FAM193A: variants seen among roughly 807,000 people sequenced by gnomAD.
FAM193A encodes family with sequence similarity 193 member A, also known as protein FAM193A.
Under a neutral mutation model 126.5 loss-of-function variants are expected in FAM193A, and 22 were observed. That is an observed-to-expected ratio of 0.17 (90% CI 0.12 to 0.25). FAM193A has a LOEUF of 0.25. Ranked by LOEUF, FAM193A falls within the 10% of genes least tolerant of loss-of-function variation. The probability of loss-of-function intolerance (pLI) is 1.00; values close to 1 mark genes in which losing one functional copy is unlikely to be tolerated. For missense variants in FAM193A, 1,675 were observed against 1,672.8 expected, an observed-to-expected ratio of 1.00 and a Z score of -0.02; for synonymous variants, 761 against 646.8, an observed-to-expected ratio of 1.18 and a Z score of -2.68.
chr4:2,552,466 A>G (rs954695331), intron 1 of FAM193A, among the ~76,000 whole-genome samples: 2 of 150,012 alleles, frequency 1.3e-5, no homozygotes, highest in African/African-American at 4.9e-5. Flanking sequence ...TAATGTGAAT[A>G]TTTAATGCTA....
intron 12 of FAM193A, among the ~76,000 whole-genome samples, chr4:2,663,812 C>G (rs1036281809): frequency 6.6e-6 from 1 of 152,094 alleles, no homozygotes; most frequent in African/African-American, 2.4e-5. Context: ...ACTAAAAATA[C>G]AAAAATTAGC....
At chr4:2,702,699 C>T (rs79709021) in intron 19 of FAM193A, among the ~76,000 whole-genome samples, 410 of 152,304 alleles carry the variant, frequency 2.7e-3, no homozygotes, top group African/African-American at 7.7e-3. Flanking sequence ...CCCCATCATC[C>T]ATGGTGCCTT....
chr4:2,700,426 C>T lies in FAM193A; in HGVS notation c.4254C>T (p.Pro1418=). The T allele has an allele frequency of 6.2e-7, 1 of 1,614,172 alleles. No homozygotes were observed. Among genetic ancestry groups the T allele is most frequent in the Non-Finnish European group, 8.5e-7 (1 of 1,180,036 alleles). The part of the protein sequence containing the change: ...DEKSNPTPME[P]TSPGEHQQNS... ...AGTCAAACCCAACCCCTATGGAGCC[C>T]ACCTCTCCCGGTGAGCATCAGCAGA... is the stretch of plus-strand genomic sequence containing the variant. Residue 1418 remains proline (P), a synonymous_variant, in exon 19 of 21, where the codon CCC becomes CCT. Coordinates refer to ENST00000637812, the MANE Select transcript of FAM193A (RefSeq NM_001366318.2).
intron 1 of FAM193A, among the ~76,000 whole-genome samples, chr4:2,561,081 T>C (rs149275318): frequency 1.3e-5 from 2 of 152,264 alleles, no homozygotes; most frequent in Non-Finnish European, 2.9e-5. Flanking sequence ...CAGGCTTTGG[T>C]GAACTTTTAT....
intron 13 of FAM193A, among the ~76,000 whole-genome samples, chr4:2,678,360 GTTTTTTTTT>G (rs201173761): frequency 8.3e-6 from 1 of 120,162 alleles, no homozygotes; most frequent in Non-Finnish European, 1.7e-5. Flanking sequence ...GGTTTTGGTG[GTTTTTTTTT>G]TTTTTTTTTT....
chr4:2,659,242 G>T (rs1390365883), intron 8 of FAM193A, among the ~76,000 whole-genome samples: 1 of 152,184 alleles, frequency 6.6e-6, no homozygotes, highest in Non-Finnish European at 1.5e-5. Flanking sequence ...TCTGTTCTCA[G>T]TACCTTGCAA....
At chr4:2,539,916 G>A (rs1737124141) in intron 1 of FAM193A, among the ~76,000 whole-genome samples, 1 of 151,690 alleles carries the variant, frequency 6.6e-6, no homozygotes. Context: ...CTGGTTGACA[G>A]ATGATGAAAC....
intron 6 of FAM193A, among the ~76,000 whole-genome samples, chr4:2,640,777 C>A (rs993990299): frequency 6.6e-5 from 10 of 152,040 alleles, no homozygotes; most frequent in Admixed American, 6.5e-4. Flanking sequence ...CCAGCCTTGC[C>A]AACATGGTAA....
chr4:2,583,426 C>T (rs1309277539), intron 1 of FAM193A, among the ~76,000 whole-genome samples: 1 of 152,164 alleles, frequency 6.6e-6, no homozygotes, highest in African/African-American at 2.4e-5. Flanking sequence ...TCTTCCCTTC[C>T]CCCTGCTGCC....
intron 7 of FAM193A, among the ~76,000 whole-genome samples, chr4:2,647,494 T>C (rs1198584481): frequency 1.3e-5 from 2 of 152,180 alleles, no homozygotes; most frequent in East Asian, 1.9e-4. Context: ...AGCACTCTGC[T>C]GTTGAGAGCT....
At chr4:2,587,429 G>A (rs555439245) in intron 1 of FAM193A, among the ~76,000 whole-genome samples, 15 of 152,304 alleles carry the variant, frequency 9.8e-5, no homozygotes, top group African/African-American at 2.9e-4. Context: ...GTGGTGGCAC[G>A]TGCCTGTGGT....
intron 1 of FAM193A, among the ~76,000 whole-genome samples, chr4:2,582,780 T>C (rs1577037399): frequency 6.6e-6 from 1 of 152,002 alleles, no homozygotes; most frequent in African/African-American, 2.4e-5. Context: ...GGATGAGGAG[T>C]GTTTTACCAT....
At chr4:2,688,831 G>C (rs1716041985) in intron 13 of FAM193A, among the ~76,000 whole-genome samples, 1 of 152,220 alleles carries the variant, frequency 6.6e-6, no homozygotes, top group Admixed American at 6.5e-5. Context: ...GCAGAGGGAG[G>C]ACCCAAGGGG....
intron 19 of FAM193A, among the ~76,000 whole-genome samples, chr4:2,701,672 T>C (rs1560589139): frequency 6.6e-6 from 1 of 152,204 alleles, no homozygotes; most frequent in East Asian, 1.9e-4. Context: ...AGTAAGTGTC[T>C]TATGGGGAAA....
At position 2,674,909 on chromosome 4, in the gene FAM193A, A is replaced by G. The variant is rs974270709; in HGVS notation, c.2331+2537A>G. On this transcript the variant is annotated intron_variant, in intron 13 of 20. Coordinates refer to ENST00000637812, the MANE Select transcript of FAM193A (RefSeq NM_001366318.2). ...TTCTGTTTTCAAGTGTCTCCATACCAGTGACATACCGAATTTATATATGGA... is the reference window on the plus strand; with the variant it reads ...TTCTGTTTTCAAGTGTCTCCATACCGGTGACATACCGAATTTATATATGGA... Among the ~76,000 whole-genome samples the G allele has an allele frequency of 3.3e-5, 5 of 152,156 alleles. No homozygotes were observed. In the South Asian group the frequency reaches 6.2e-4, roughly 19 times the overall value.
chr4:2,710,344 T>C (rs1718803579), intron 19 of FAM193A, among the ~76,000 whole-genome samples: 1 of 151,714 alleles, frequency 6.6e-6, no homozygotes, highest in South Asian at 2.1e-4. Flanking sequence ...CTGGCTAATT[T>C]TTGTATATTT....
At chr4:2,654,458 A>G (rs1745978624) in intron 7 of FAM193A, 1 of 148,108 alleles carries the variant, frequency 6.8e-6, no homozygotes, top group African/African-American at 2.5e-5. Flanking sequence ...GTTTGAAATC[A>G]ATTATTTTTA....
At chr4:2,670,059 A>C (rs920700853) in intron 12 of FAM193A, among the ~76,000 whole-genome samples, 1 of 151,876 alleles carries the variant, frequency 6.6e-6, no homozygotes, top group Non-Finnish European at 1.5e-5. Flanking sequence ...TTCCTCTGGG[A>C]CTTGGTTCTG....
intron 1 of FAM193A, among the ~76,000 whole-genome samples, chr4:2,566,306 C>T (rs1460127796): frequency 1.3e-5 from 2 of 152,316 alleles, no homozygotes; most frequent in East Asian, 3.9e-4. Flanking sequence ...CTTGGCCTCC[C>T]AAAGTGCTGG....
Sources: allele counts gnomAD v4.1 joint callset (sites outside exome capture counted in the v4.1 genomes callset), GRCh38; gene constraint gnomAD v4.1.1; transcripts MANE v1.5; gene names NCBI Gene and HGNC (gene_info 2026-07-23, HGNC 2026-07-21).